PATJ: variants seen among roughly 807,000 people sequenced by gnomAD.
The protein encoded by PATJ is PATJ crumbs cell polarity complex component.
PATJ carries 190 observed loss-of-function variants against 224.9 expected under a neutral mutation model. The ratio of observed to expected loss-of-function variants is 0.84; its 90% CI spans 0.75 to 0.95. The LOEUF (loss-of-function observed/expected upper bound fraction) is 0.95. Among genes scored for constraint, PATJ ranks in the 40% least tolerant of loss-of-function variants. The pLI is 0.00. For missense variants in PATJ, 2,121 were observed against 2,270.3 expected (o/e 0.93, Z 1.34); for synonymous variants, 769 against 820.3 (o/e 0.94, Z 1.07).
At chr1:62,132,323 C>A (rs951655020) in intron 41 of PATJ, among the ~76,000 whole-genome samples, 4 of 152,200 alleles carry the variant, frequency 2.6e-5, no homozygotes, top group Middle Eastern at 3.4e-3. Flanking sequence ...CATAGAGAAA[C>A]CTTGTCTCTA....
At chr1:62,029,973 C>T (rs1648895556) in intron 29 of PATJ, among the ~76,000 whole-genome samples, 1 of 152,092 alleles carries the variant, frequency 6.6e-6, no homozygotes, top group African/African-American at 2.4e-5. Flanking sequence ...AGGCTCGGTT[C>T]CAGTGGGTAG....
chr1:61,995,527 C>G (rs1028990808), intron 28 of PATJ, among the ~76,000 whole-genome samples: 1 of 152,148 alleles, frequency 6.6e-6, no homozygotes, highest in Non-Finnish European at 1.5e-5. Context: ...CCATGACACA[C>G]TTTTGGTGTG....
At chr1:62,054,942 C>A (rs1476261994) in intron 31 of PATJ, among the ~76,000 whole-genome samples, 1 of 151,932 alleles carries the variant, frequency 6.6e-6, no homozygotes, top group Non-Finnish European at 1.5e-5. Flanking sequence ...GTAGTCCCAG[C>A]TACTTGGGAG....
chr1:62,154,649 CA>C (rs61670416), intron 43 of PATJ, among the ~76,000 whole-genome samples: 49 of 131,582 alleles, frequency 3.7e-4, no homozygotes, highest in Admixed American at 4.8e-4. Context: ...CAATCCATCT[CA>C]AAAAAAAAAA....
chr1:61,950,418 T>C (rs552865491), intron 27 of PATJ, among the ~76,000 whole-genome samples: 3 of 152,336 alleles, frequency 2.0e-5, no homozygotes, highest in African/African-American at 7.2e-5. Flanking sequence ...CAGGGCCACA[T>C]GTAGGCACTT....
In PATJ at chr1:61,953,738, A is replaced by G. The variant is rs1004718730; in HGVS notation, c.3670+25909A>G. ...CTGCCTGCTTTTCCTCAGACTCTTC[A>G]GAGCAGTTTATTCATTTTCCTTTTA... On this transcript the variant is annotated intron_variant, in intron 27 of 43. Coordinates refer to ENST00000642238, the MANE Select transcript of PATJ (RefSeq NM_001350145.3). Among the ~76,000 whole-genome samples, 3 of 152,218 alleles carry G rather than the reference A, an allele frequency of 2.0e-5. No individual in the cohort carries two copies. The South Asian group carries it at 6.2e-4, about 32-fold the overall frequency.
At chr1:62,142,464 A>C (rs1667602910) in intron 41 of PATJ, among the ~76,000 whole-genome samples, 1 of 152,216 alleles carries the variant, frequency 6.6e-6, no homozygotes, top group Non-Finnish European at 1.5e-5. Context: ...CAGAAAATTG[A>C]GTCCCATAAT....
At chr1:61,760,270 T>A (rs892802286) in intron 1 of PATJ, among the ~76,000 whole-genome samples, 4 of 152,242 alleles carry the variant, frequency 2.6e-5, no homozygotes, top group African/African-American at 9.6e-5. Context: ...TTAGACCTTT[T>A]ATCAATGTCA....
intron 25 of PATJ, among the ~76,000 whole-genome samples, chr1:61,913,210 T>G (rs185529091): frequency 5.0e-4 from 76 of 150,974 alleles, no homozygotes; most frequent in Middle Eastern, 6.8e-3. Flanking sequence ...GAGCAAGGAG[T>G]TTTTTTTTGT....
At chr1:62,123,469 CTTTTTTTTTTTTTTT>C (rs34621846) in intron 39 of PATJ, among the ~76,000 whole-genome samples, 1 of 64,560 alleles carries the variant, frequency 1.5e-5, no homozygotes, top group African/African-American at 6.5e-5. Context: ...CTATAAGTTT[CTTTTTTTTTTTTTTT>C]TTTTTTTTTT....
Position 61,864,568 on chromosome 1 carries a change from G to T in PATJ, c.2770G>T (p.Ala924Ser). 4 of 1,611,796 alleles carry T rather than the reference G, an allele frequency of 2.5e-6. No individual in the cohort carries two copies. Among genetic ancestry groups the T allele is most frequent in the Non-Finnish European group, 1.7e-6 (2 of 1,179,664 alleles). Residue 924 changes from alanine (A) to serine (S), a missense_variant, in exon 20 of 44, where the codon GCA (alanine) becomes TCA (serine). By Grantham distance (99) the Ala-to-Ser change is moderately conservative. Transcript: ENST00000642238. ...TAATGAACCATCCGAGTCTCAAGAGGCAAGAACCGGGAGGACTGTCTATTC... is the reference window on the plus strand; with the variant it reads ...TAATGAACCATCCGAGTCTCAAGAGTCAAGAACCGGGAGGACTGTCTATTC... ...HDNEPSESQE[A>S]RTGRTVYSQE...
At chr1:61,772,168 A>G (rs1044279271) in intron 6 of PATJ, among the ~76,000 whole-genome samples, 2 of 129,220 alleles carry the variant, frequency 1.5e-5, no homozygotes, top group Non-Finnish European at 3.2e-5. Flanking sequence ...ATTATTTAAT[A>G]TGGAGGCCAA....
intron 33 of PATJ, among the ~76,000 whole-genome samples, chr1:62,104,091 G>A (rs1307658599): frequency 6.6e-6 from 1 of 152,022 alleles, no homozygotes; most frequent in Non-Finnish European, 1.5e-5. Flanking sequence ...GAGTCACTGA[G>A]GTCTTGGGTT....
At chr1:61,834,324 G>A (rs944347900) in intron 17 of PATJ, among the ~76,000 whole-genome samples, 2 of 152,124 alleles carry the variant, frequency 1.3e-5, no homozygotes, top group Admixed American at 1.3e-4. Flanking sequence ...TAAATAAATA[G>A]AAGTGTTCTT....
chr1:61,919,070 A>G (rs1467167415), intron 26 of PATJ, among the ~76,000 whole-genome samples: 1 of 152,186 alleles, frequency 6.6e-6, no homozygotes, highest in African/African-American at 2.4e-5. Context: ...TTAATCTTGA[A>G]AGTAATTTTT....
intron 27 of PATJ, among the ~76,000 whole-genome samples, chr1:61,932,122 C>T (rs772639842): frequency 6.6e-5 from 10 of 152,028 alleles, no homozygotes; most frequent in Non-Finnish European, 1.3e-4. Flanking sequence ...TCAGGAGGTT[C>T]CAGAAAGCTT....
At position 62,061,848 on chromosome 1, in the gene PATJ, A is replaced by T. The variant is rs560941089; in HGVS notation, c.4125+10790A>T. Among the ~76,000 whole-genome samples, 15 of 152,092 alleles carry T rather than the reference A, an allele frequency of 9.9e-5. No individual in the cohort carries two copies. The East Asian group carries it at 2.3e-3, about 24-fold the overall frequency. On this transcript the variant is annotated intron_variant, in intron 31 of 43. Transcript: ENST00000642238. ...CTAATATTTTGTATTTTTAGTAAAG[A>T]TGGGGTTTCACCGTGTTAGCCAGGA...
At chr1:62,121,134 G>A in intron 37 of PATJ, 47 bp from the exon 38 acceptor site, 1 of 1,208,754 alleles carries the variant, frequency 8.3e-7, no homozygotes. Context: ...CATTTAGGGG[G>A]TCAAGTCAGT....
intron 17 of PATJ, among the ~76,000 whole-genome samples, chr1:61,838,560 C>T (rs1273853854): frequency 4.5e-5 from 6 of 132,848 alleles, no homozygotes; most frequent in African/African-American, 1.5e-4. Context: ...TTAGTAGAGA[C>T]GGGGTTTCAC....
Sources: allele counts gnomAD v4.1 joint callset (sites outside exome capture counted in the v4.1 genomes callset), GRCh38; gene constraint gnomAD v4.1.1; transcripts MANE v1.5; gene names NCBI Gene and HGNC (gene_info 2026-07-23, HGNC 2026-07-21).